KIAA1217: variants seen among roughly 807,000 people sequenced by gnomAD.
KIAA1217 encodes the protein KIAA1217, also known as sickle tail protein homolog.
In KIAA1217, 88 loss-of-function variants were observed where a neutral mutation model predicts 163.9. The ratio of observed to expected loss-of-function variants is 0.54; its 90% CI spans 0.45 to 0.64. KIAA1217 has a LOEUF of 0.64. Among genes scored for constraint, KIAA1217 ranks in the 30% least tolerant of loss-of-function variants. KIAA1217 has a pLI of 0.00. For missense variants in KIAA1217, 2,372 were observed against 2,475.0 expected, an observed-to-expected ratio of 0.96 and a Z score of 0.88; for synonymous variants, 903 against 923.1, an observed-to-expected ratio of 0.98 and a Z score of 0.39.
chr10:23,909,953 A>T (rs181193339), intron 1 of KIAA1217, among the ~76,000 whole-genome samples: 1 of 152,138 alleles, frequency 6.6e-6, no homozygotes, highest in African/African-American at 2.4e-5. Flanking sequence ...CCTCTCCAGC[A>T]TCTGTCGTTT....
intron 2 of KIAA1217, among the ~76,000 whole-genome samples, chr10:24,085,727 C>A (rs764324422): frequency 8.6e-5 from 13 of 151,982 alleles, no homozygotes; most frequent in Non-Finnish European, 1.2e-4. Flanking sequence ...GGTCCCAGCA[C>A]TTTGGGAGGC....
intron 5 of KIAA1217, among the ~76,000 whole-genome samples, chr10:24,464,340 T>C (rs1307718332): frequency 6.6e-6 from 1 of 152,104 alleles, no homozygotes; most frequent in Non-Finnish European, 1.5e-5. Flanking sequence ...TGAAAGGAAA[T>C]TGCTGTGAAC....
intron 15 of KIAA1217, among the ~76,000 whole-genome samples, chr10:24,532,698 G>A (rs1339780007): frequency 6.6e-6 from 1 of 152,082 alleles, no homozygotes; most frequent in Non-Finnish European, 1.5e-5. Context: ...ACCACCTCGA[G>A]AACAGCACGG....
At chr10:23,755,388 G>A (rs561714795) in intron 1 of KIAA1217, among the ~76,000 whole-genome samples, 6 of 152,238 alleles carry the variant, frequency 3.9e-5, no homozygotes, top group East Asian at 1.9e-4. Flanking sequence ...CAGTCTCCAC[G>A]CAGGCATAAT....
intron 2 of KIAA1217, among the ~76,000 whole-genome samples, chr10:24,108,901 G>A (rs569249113): frequency 2.0e-5 from 3 of 152,138 alleles, no homozygotes; most frequent in South Asian, 4.1e-4. Context: ...GCTCAATATC[G>A]GCTCACTGCA....
chr10:23,779,327 T>A (rs1211004227), intron 1 of KIAA1217, among the ~76,000 whole-genome samples: 1 of 152,176 alleles, frequency 6.6e-6, no homozygotes, highest in Non-Finnish European at 1.5e-5. Context: ...AAATCCAAGC[T>A]CCTCCTTTTC....
intron 2 of KIAA1217, among the ~76,000 whole-genome samples, chr10:24,332,701 AG>A: frequency 6.6e-6 from 1 of 152,224 alleles, no homozygotes; most frequent in South Asian, 2.1e-4. Context: ...CAGCTCTTGG[AG>A]GGGCTGCCTC....
At chr10:24,444,084 C>A (rs763081212) in intron 5 of KIAA1217, among the ~76,000 whole-genome samples, 1 of 152,100 alleles carries the variant, frequency 6.6e-6, no homozygotes, top group Non-Finnish European at 1.5e-5. Flanking sequence ...GATCTCAGCT[C>A]ACTGCAACCT....
intron 1 of KIAA1217, among the ~76,000 whole-genome samples, chr10:23,973,573 A>C (rs1203836529): frequency 3.9e-5 from 6 of 152,238 alleles, no homozygotes; most frequent in Non-Finnish European, 8.8e-5. Flanking sequence ...GAACAAATAC[A>C]TGGATTTGTG....
At chr10:23,943,787 A>G (rs557176641) in intron 1 of KIAA1217, among the ~76,000 whole-genome samples, 3 of 152,376 alleles carry the variant, frequency 2.0e-5, no homozygotes, top group Admixed American at 6.5e-5. Flanking sequence ...GAATGGATAC[A>G]TAAAAGGTCA....
At chr10:24,238,664 T>C (rs1462862439) in intron 2 of KIAA1217, among the ~76,000 whole-genome samples, 1 of 152,102 alleles carries the variant, frequency 6.6e-6, no homozygotes, top group Admixed American at 6.5e-5. Flanking sequence ...CAAGTTTTGC[T>C]GGTAAAAAGT....
chr10:23,797,440 C>G (rs1172751115), intron 1 of KIAA1217, among the ~76,000 whole-genome samples: 1 of 152,134 alleles, frequency 6.6e-6, no homozygotes, highest in Non-Finnish European at 1.5e-5. Flanking sequence ...ACAATTGACT[C>G]CAAAACTCGT....
chr10:24,394,746 C>T (rs534764196), intron 3 of KIAA1217, among the ~76,000 whole-genome samples: 12 of 152,322 alleles, frequency 7.9e-5, no homozygotes, highest in African/African-American at 2.9e-4. Flanking sequence ...CTTTGATTCA[C>T]CCCACAAACG....
intron 2 of KIAA1217, among the ~76,000 whole-genome samples, chr10:24,062,849 T>G (rs188691566): frequency 1.3e-5 from 2 of 152,344 alleles, no homozygotes; most frequent in African/African-American, 4.8e-5. Context: ...TGTGAGATGG[T>G]ATCTCATTGT....
At chr10:24,365,611 G>C (rs1002761644) in intron 2 of KIAA1217, among the ~76,000 whole-genome samples, 1 of 152,118 alleles carries the variant, frequency 6.6e-6, no homozygotes, top group Non-Finnish European at 1.5e-5. Context: ...TATTCACCTA[G>C]AAAAGGGCTT....
intron 6 of KIAA1217, among the ~76,000 whole-genome samples, chr10:24,494,081 C>T (rs1010048147): frequency 3.9e-5 from 6 of 152,294 alleles, no homozygotes; most frequent in African/African-American, 7.2e-5. Context: ...AAAACCACTC[C>T]GCAGCCTCCC....
intron 2 of KIAA1217, among the ~76,000 whole-genome samples, chr10:24,332,639 A>G (rs2045833621): frequency 6.6e-6 from 1 of 152,178 alleles, no homozygotes; most frequent in South Asian, 2.1e-4. Flanking sequence ...GCTAATGCGT[A>G]TCCATAAGTC....
intron 2 of KIAA1217, among the ~76,000 whole-genome samples, chr10:24,225,337 T>A (rs1414157426): frequency 6.6e-6 from 1 of 152,112 alleles, no homozygotes; most frequent in African/African-American, 2.4e-5. Flanking sequence ...TTGCCCAGAT[T>A]GGTCTTCAAA....
At chr10:24,074,703 C>CTTTTT (rs35168053) in intron 2 of KIAA1217, among the ~76,000 whole-genome samples, 6 of 99,448 alleles carry the variant, frequency 6.0e-5, no homozygotes, top group Non-Finnish European at 1.1e-4. Context: ...TCTTCTTCTT[C>CTTTTT]TTTTTTTTTT....
Sources: gnomAD v4.1 joint callset for allele counts (sites outside exome capture counted in the v4.1 genomes callset) on GRCh38, gnomAD v4.1.1 for gene constraint, MANE v1.5 for transcripts, NCBI Gene and HGNC (gene_info 2026-07-23, HGNC 2026-07-21) for gene names.